Variants in AGBL1 observed in about 807,000 individuals in gnomAD.
The protein encoded by AGBL1 is AGBL carboxypeptidase 1, also known as cytosolic carboxypeptidase 4.
AGBL1 carries 130 observed loss-of-function variants against 118.9 expected under a neutral mutation model. The observed-to-expected ratio is 1.09, with a 90% CI of 0.95 to 1.26. The LOEUF (loss-of-function observed/expected upper bound fraction) is 1.26, where lower values mean the gene tolerates loss of function less well. Among genes scored for constraint, AGBL1 ranks in the 50% most tolerant of loss-of-function variants. AGBL1 has a pLI of 0.00. For synonymous variants in AGBL1, 555 were observed against 478.9 expected (o/e 1.16, Z -2.08); for missense variants, 1,584 against 1,298.1 (o/e 1.22, Z -3.38).
intron 22 of AGBL1, among the ~76,000 whole-genome samples, chr15:86,721,053 T>C (rs1567139483): frequency 6.6e-6 from 1 of 152,144 alleles, no homozygotes; most frequent in Non-Finnish European, 1.5e-5. Flanking sequence ...GATTCACAGC[T>C]GAATTCTACC....
intron 16 of AGBL1, among the ~76,000 whole-genome samples, chr15:86,291,991 C>G (rs894860473): frequency 2.9e-4 from 44 of 152,286 alleles, no homozygotes; most frequent in African/African-American, 1.1e-3. Flanking sequence ...AGTGTTGTGT[C>G]AAATCCTGGC....
chr15:86,581,356 C>T (rs1229715356), intron 21 of AGBL1, among the ~76,000 whole-genome samples: 2 of 152,086 alleles, frequency 1.3e-5, no homozygotes, highest in Non-Finnish European at 1.5e-5. Flanking sequence ...TTCTTACTTT[C>T]CCCTCCTCCC....
chr15:86,232,126 CT>C (rs902874796), intron 6 of AGBL1, among the ~76,000 whole-genome samples: 2 of 152,300 alleles, frequency 1.3e-5, no homozygotes, highest in South Asian at 4.1e-4. Flanking sequence ...TGGCACATGG[CT>C]TTTTTTCCTG....
chr15:86,143,983 C>A, intron 3 of AGBL1, 138 bp downstream of exon 3: 1 of 1,086,336 alleles, frequency 9.2e-7, no homozygotes, highest in Non-Finnish European at 1.3e-6. Context: ...ATGGTGATGG[C>A]AGGACCAGCC....
chr15:86,340,600 C>T (rs2080446432), intron 17 of AGBL1, among the ~76,000 whole-genome samples: 1 of 152,156 alleles, frequency 6.6e-6, no homozygotes. Flanking sequence ...GGGTGTGGCC[C>T]TGAAAGCACG....
At chr15:86,994,864 G>A (rs565454321) in intron 24 of AGBL1, among the ~76,000 whole-genome samples, 31 of 152,216 alleles carry the variant, frequency 2.0e-4, no homozygotes, top group Middle Eastern at 3.4e-3. Flanking sequence ...TATAATGGTC[G>A]AAAGAAACAG....
At chr15:86,944,516 A>C (rs2080793388) in intron 23 of AGBL1, among the ~76,000 whole-genome samples, 1 of 152,174 alleles carries the variant, frequency 6.6e-6, no homozygotes. Flanking sequence ...GATGATAGAG[A>C]GACAGAACAT....
At chr15:86,546,283 C>A in intron 20 of AGBL1, 150 bp downstream of exon 20, 1 of 995,302 alleles carries the variant, frequency 1.0e-6, no homozygotes, top group Non-Finnish European at 1.4e-6. Flanking sequence ...GTAATACAAG[C>A]AGGCTGGAAG....
chr15:86,900,741 C>A (rs1033799639), intron 22 of AGBL1, among the ~76,000 whole-genome samples: 4 of 151,864 alleles, frequency 2.6e-5, no homozygotes, highest in African/African-American at 9.7e-5. Context: ...TCTGCCCAAC[C>A]TTTTTACTGA....
intron 22 of AGBL1, among the ~76,000 whole-genome samples, chr15:86,830,720 T>C (rs2079093779): frequency 6.6e-6 from 1 of 152,194 alleles, no homozygotes; most frequent in African/African-American, 2.4e-5. Flanking sequence ...ATTCTGAACG[T>C]CTTTTATCCT....
intron 15 of AGBL1, 59 bp from the exon 16 acceptor site, chr15:86,279,580 C>A: frequency 1.3e-6 from 2 of 1,540,606 alleles, no homozygotes; most frequent in Non-Finnish European, 1.8e-6. Flanking sequence ...CCCTAAATGA[C>A]CCTGCACCCC....
At chr15:86,939,524 T>G (rs191174977) in intron 23 of AGBL1, 1 of 152,270 alleles carries the variant, frequency 6.6e-6, no homozygotes, top group African/African-American at 2.4e-5. Flanking sequence ...AGCCTGCAGA[T>G]AGCCTATTGT....
intron 22 of AGBL1, among the ~76,000 whole-genome samples, chr15:86,674,869 A>G (rs893729390): frequency 6.6e-6 from 1 of 152,126 alleles, no homozygotes; most frequent in Non-Finnish European, 1.5e-5. Flanking sequence ...CTCAAACATC[A>G]TTGTTCCTTC....
At chr15:86,897,957 C>T (rs1237248517) in intron 22 of AGBL1, among the ~76,000 whole-genome samples, 1 of 151,372 alleles carries the variant, frequency 6.6e-6, no homozygotes, top group Non-Finnish European at 1.5e-5. Flanking sequence ...ATTTTTTGTA[C>T]ATGTGGGGTT....
At chr15:86,714,518 G>A (rs766544486) in intron 22 of AGBL1, among the ~76,000 whole-genome samples, 15 of 151,900 alleles carry the variant, frequency 9.9e-5, no homozygotes, top group Non-Finnish European at 1.9e-4. Context: ...GAGCCTGAGT[G>A]GTATGAGACA....
intron 21 of AGBL1, among the ~76,000 whole-genome samples, chr15:86,626,423 A>G (rs1456829714): frequency 6.6e-6 from 1 of 152,186 alleles, no homozygotes; most frequent in Admixed American, 6.5e-5. Context: ...AACCAAACAC[A>G]GCACGTTCTC....
At chr15:86,251,169 G>A (rs1265084683) in intron 7 of AGBL1, among the ~76,000 whole-genome samples, 4 of 152,172 alleles carry the variant, frequency 2.6e-5, no homozygotes, top group African/African-American at 7.2e-5. Flanking sequence ...TTTTATAGAT[G>A]AAGAAACTGA....
chr15:86,646,034 A>T (rs2085273312), intron 21 of AGBL1, among the ~76,000 whole-genome samples: 1 of 152,180 alleles, frequency 6.6e-6, no homozygotes, highest in Non-Finnish European at 1.5e-5. Flanking sequence ...AATGTGTAAT[A>T]TCCCTGCTCT....
At chr15:86,582,273 A>G (rs2084181737) in intron 21 of AGBL1, among the ~76,000 whole-genome samples, 1 of 152,192 alleles carries the variant, frequency 6.6e-6, no homozygotes, top group Non-Finnish European at 1.5e-5. Context: ...AGACTTGGTT[A>G]TCTAAGTTAC....
Sources: gnomAD v4.1 joint callset for allele counts (sites outside exome capture counted in the v4.1 genomes callset) on GRCh38, gnomAD v4.1.1 for gene constraint, MANE v1.5 for transcripts, NCBI Gene and HGNC (gene_info 2026-07-23, HGNC 2026-07-21) for gene names.